The following SYNE1 variants were observed in gnomAD, a reference collection of about 807,000 sequenced individuals.
SYNE1 encodes the protein nesprin-1.
Under a neutral mutation model 1,111.0 loss-of-function variants are expected in SYNE1, and 616 were observed. That is an observed-to-expected ratio of 0.55 (90% CI 0.52 to 0.59). The LOEUF (loss-of-function observed/expected upper bound fraction) is 0.59. Among genes scored for constraint, SYNE1 ranks in the 20% least tolerant of loss-of-function variants. The pLI, the probability that SYNE1 is intolerant of heterozygous loss-of-function variation, is 0.00. For missense variants in SYNE1, 10,006 were observed against 10,417.0 expected (o/e 0.96, Z 1.72); for synonymous variants, 3,855 against 3,825.8 (o/e 1.01, Z -0.28).
chr6:152,472,440 A>AG (rs370960329), intron 14 of SYNE1, 27 bp from the exon 15 acceptor site: 4,628 of 1,544,006 alleles, frequency 3.0e-3, no homozygotes, highest in East Asian at 5.7e-3. Flanking sequence ...AAAAAAATAA[A>AG]AAATGAAAAA....
intron 39 of SYNE1, 114 bp downstream of exon 39, chr6:152,425,267 T>A: frequency 9.0e-7 from 1 of 1,111,696 alleles, no homozygotes; most frequent in Admixed American, 2.2e-5. Context: ...TCTGTAGTTA[T>A]CAGGTGAGTA....
At chr6:152,271,618 C>T (rs2093219063) in intron 98 of SYNE1, among the ~76,000 whole-genome samples, 1 of 152,170 alleles carries the variant, frequency 6.6e-6, no homozygotes, top group Non-Finnish European at 1.5e-5. Flanking sequence ...AACTGGAACC[C>T]ATGATTTTCT....
chr6:152,177,070 C>CTTCAT (rs1459688016), intron 129 of SYNE1, among the ~76,000 whole-genome samples: 2 of 151,934 alleles, frequency 1.3e-5, no homozygotes, highest in Non-Finnish European at 2.9e-5. Flanking sequence ...AAAAGAGTTC[C>CTTCAT]TTCATTTTAA....
At chr6:152,359,970 C>A (rs1190304449) in intron 64 of SYNE1, among the ~76,000 whole-genome samples, 2 of 152,238 alleles carry the variant, frequency 1.3e-5, no homozygotes, top group South Asian at 2.1e-4. Flanking sequence ...CATCTGTCCC[C>A]ACATCTCCTG....
chr6:152,321,442 T>G, intron 83 of SYNE1, 52 bp from the exon 84 acceptor site: 2 of 1,598,734 alleles, frequency 1.3e-6, no homozygotes, highest in Non-Finnish European at 1.7e-6. Context: ...AAGGGGACTG[T>G]TATAGACAAG....
At chr6:152,337,115 T>C (rs1045284637) in intron 75 of SYNE1, 98 bp from the exon 76 acceptor site, 3 of 1,191,564 alleles carry the variant, frequency 2.5e-6, no homozygotes, top group Admixed American at 2.0e-5. Flanking sequence ...TGTGCACTCA[T>C]TTGACACACA....
chr6:152,294,791 A>T (rs956932739), intron 93 of SYNE1, among the ~76,000 whole-genome samples: 1 of 152,174 alleles, frequency 6.6e-6, no homozygotes, highest in Non-Finnish European at 1.5e-5. Context: ...ATAACATTAC[A>T]TATTTTATTT....
chr6:152,151,853 G>C, intron 134 of SYNE1, 106 bp downstream of exon 134: 2 of 1,496,524 alleles, frequency 1.3e-6, no homozygotes, highest in Non-Finnish European at 1.8e-6. Flanking sequence ...TACTCCTCCT[G>C]CCATCCCATT....
intron 127 of SYNE1, among the ~76,000 whole-genome samples, chr6:152,200,572 T>C (rs2153355832): frequency 6.6e-6 from 1 of 152,264 alleles, no homozygotes; most frequent in East Asian, 1.9e-4. Context: ...AATTTTTAAA[T>C]TTCTTTAGAT....
intron 4 of SYNE1, among the ~76,000 whole-genome samples, chr6:152,529,225 T>C (rs1262870536): frequency 1.3e-5 from 2 of 152,228 alleles, no homozygotes; most frequent in Non-Finnish European, 2.9e-5. Context: ...AAATACCTAC[T>C]AAATATTGGA....
intron 6 of SYNE1, among the ~76,000 whole-genome samples, chr6:152,515,385 A>G (rs575893613): frequency 6.6e-6 from 1 of 152,222 alleles, no homozygotes; most frequent in African/African-American, 2.4e-5. Flanking sequence ...GCTTTCTACA[A>G]TGAGGTATCA....
At chr6:152,215,843 A>T (rs1197985315) in intron 121 of SYNE1, among the ~76,000 whole-genome samples, 3 of 152,236 alleles carry the variant, frequency 2.0e-5, no homozygotes, top group African/African-American at 2.4e-5. Context: ...AAGAGGGTAA[A>T]CGAACCTCCT....
rs111943457 is a variant in SYNE1, at chr6:152,513,643, T to C, written c.310-2540A>G. Among the ~76,000 whole-genome samples the C allele has an allele frequency of 7.0e-3, 1,069 of 152,216 alleles. 9 individuals carry two copies. The highest frequency in any genetic ancestry group is 0.011 in the Non-Finnish European group (719 of 68,000). ...GCCACCACGCTGGGCCCAGTGAGAT[T>C]AGTGTTCTTAAAAAAGATGAAGAAA... On this transcript the variant is annotated intron_variant, in intron 6 of 145. Transcript: ENST00000367255.
intron 130 of SYNE1, chr6:152,167,771 G>A (rs1337889075): frequency 1.8e-6 from 1 of 558,568 alleles, no homozygotes; most frequent in Admixed American, 1.9e-5. Flanking sequence ...AGCAGATGAT[G>A]GACTAACTGA....
rs1234881344 is a variant in SYNE1, at chr6:152,143,671, G to A, written c.25071C>T (p.Arg8357=). ...FQIQQTENII[R]SKTPTGPELD... is the part of the protein sequence containing the mutation. ...GCTCCGGCCCCGTGGGAGTTTTGCT[G>A]CGAATGATATTTTCGGTTTGCTGTA... Residue 8357 remains arginine, a synonymous_variant, in exon 138 of 146, where the codon CGC becomes CGT. Transcript: ENST00000367255. 6.2e-7 allele frequency: 1 copy of A among 1,614,058 alleles called. No homozygotes were observed. The highest frequency in any genetic ancestry group is 8.5e-7 in the Non-Finnish European group (1 of 1,180,042).
In SYNE1 at chr6:152,428,371, A is replaced by G; in HGVS notation, c.4810T>C (p.Ser1604Pro). 1 of 1,613,740 alleles carries G rather than the reference A, an allele frequency of 6.2e-7. No homozygotes were observed. The highest frequency in any genetic ancestry group is 8.5e-7 in the Non-Finnish European group (1 of 1,180,000). ...AAGGCAGTGATCGCGCTGCTCAGTG[A>G]CTCCAGGGCCTGGCAGAGATCCTAA... is the stretch of plus-strand genomic sequence containing the variant. ...EHMDLCQALE[S>P]LSSAITAFSA... The change falls in exon 37 of 146, where the codon TCA (serine) becomes CCA (proline). Residue 1604 changes from serine to proline, a missense_variant. Ser to Pro is a moderately conservative substitution (Grantham distance 74). Around this residue, in one of 7 missense-constraint regions of SYNE1, gnomAD observed 1,971 missense variants for 2,084.1 expected, o/e 0.95. Coordinates refer to ENST00000367255, the MANE Select transcript of SYNE1 (RefSeq NM_182961.4).
intron 131 of SYNE1, among the ~76,000 whole-genome samples, chr6:152,162,489 T>C (rs2062714609): frequency 6.6e-6 from 1 of 152,194 alleles, no homozygotes. Flanking sequence ...TTTCATACAC[T>C]TGTGAAATTA....
chr6:152,444,618 C>G (rs1254881084), intron 29 of SYNE1, 40 bp from the exon 30 acceptor site: 1 of 1,560,096 alleles, frequency 6.4e-7, no homozygotes. Flanking sequence ...AAATCATATG[C>G]TACTTGTTGA....
chr6:152,522,693 T>C (rs116351342), intron 5 of SYNE1, among the ~76,000 whole-genome samples: 3,420 of 152,242 alleles, frequency 0.022, 151 homozygotes, highest in African/African-American at 0.078. Flanking sequence ...GCGTTCCCTT[T>C]ACAACACTTC....
Sources: gnomAD v4.1 joint callset for allele counts (sites outside exome capture counted in the v4.1 genomes callset) on GRCh38, gnomAD v4.1.1 for gene constraint, gnomAD v4.1.1 regional missense constraint, MANE v1.5 for transcripts, NCBI Gene and HGNC (gene_info 2026-07-23, HGNC 2026-07-21) for gene names.